The following RSPO2 variants were observed in gnomAD, a reference collection of about 807,000 sequenced individuals.
RSPO2 encodes R-spondin 2.
RSPO2 carries 14 observed loss-of-function variants against 30.9 expected under a neutral mutation model. The ratio of observed to expected loss-of-function variants is 0.45; its 90% CI spans 0.30 to 0.71. RSPO2 has a LOEUF of 0.71. Ranked by LOEUF, RSPO2 falls within the 30% of genes least tolerant of loss-of-function variation. The probability of loss-of-function intolerance (pLI) is 0.08; values close to 1 mark genes in which losing one functional copy is unlikely to be tolerated. For missense variants in RSPO2, 264 were observed against 301.9 expected (o/e 0.87, Z 0.93); for synonymous variants, 107 against 96.4 (o/e 1.11, Z -0.64).
chr8:107,977,262 T>C (rs1385392055), intron 3 of RSPO2, among the ~76,000 whole-genome samples: 4 of 152,352 alleles, frequency 2.6e-5, no homozygotes, highest in African/African-American at 9.6e-5. Flanking sequence ...GACATAATTA[T>C]TACACGGTAG....
rs549129674 is a variant in RSPO2, at chr8:107,956,634, G to A, written c.616+1446C>T. Among the ~76,000 whole-genome samples the A allele has an allele frequency of 4.6e-5, 7 of 152,274 alleles. No individual in the cohort carries two copies. The South Asian group carries it at 1.5e-3, about 32-fold the overall frequency. ...AAATGTGTTGCCTCTTGTTACACAT[G>A]AGCATGTTTGTTATAGGAGCATTTT... On this transcript the variant is annotated intron_variant, in intron 5 of 5. Transcript: ENST00000276659.
chr8:107,901,270 T>G, intron 5 of RSPO2, 80 bp from the exon 6 acceptor site: 1 of 1,483,668 alleles, frequency 6.7e-7, no homozygotes, highest in Non-Finnish European at 9.0e-7. Flanking sequence ...ATTGGGAGTT[T>G]TGCACAAAGC....
chr8:107,983,373 C>G, intron 3 of RSPO2: 6 of 1,608,592 alleles, frequency 3.7e-6, no homozygotes, highest in Non-Finnish European at 5.1e-6. Flanking sequence ...GATTGAAAGC[C>G]CAGCAGAACA....
chr8:108,027,900 T>C (rs144680637), intron 2 of RSPO2, among the ~76,000 whole-genome samples: 6 of 152,300 alleles, frequency 3.9e-5, no homozygotes, highest in African/African-American at 9.6e-5. Flanking sequence ...CCAATGTCTA[T>C]TAGCAGCTTT....
At chr8:107,934,133 T>A (rs141634780) in intron 5 of RSPO2, among the ~76,000 whole-genome samples, 142 of 152,308 alleles carry the variant, frequency 9.3e-4, no homozygotes, top group African/African-American at 3.1e-3. Context: ...TCTGGCAAGA[T>A]GTCGTAAGGC....
At chr8:107,960,542 C>T (rs948741900) in intron 4 of RSPO2, 132 bp downstream of exon 4, 6 of 858,504 alleles carry the variant, frequency 7.0e-6, no homozygotes, top group African/African-American at 5.3e-5. Context: ...CAGCAAAGAA[C>T]TTAATTTTCA....
In RSPO2 at chr8:107,914,849, C is replaced by A. The variant is rs181111668; in HGVS notation, c.617-13659G>T. 2.0e-5 allele frequency among the ~76,000 whole-genome samples: 3 copies of A among 152,234 alleles called. No individual in the cohort carries two copies. The East Asian group carries it at 5.8e-4, about 29-fold the overall frequency. On this transcript the variant is annotated intron_variant, in intron 5 of 5. Transcript: ENST00000276659. ...AGGTGCCTTTATGTGTTTTCCTAAT[C>A]TTCCTGTAGAAAAAAAATTAAATTC...
At chr8:107,926,583 AG>A (rs1261974305) in intron 5 of RSPO2, among the ~76,000 whole-genome samples, 2 of 151,992 alleles carry the variant, frequency 1.3e-5, no homozygotes, top group African/African-American at 4.8e-5. Context: ...ATAAGGTGTA[AG>A]AAGGGATCCA....
At chr8:108,052,036 A>G (rs1160039578) in intron 2 of RSPO2, among the ~76,000 whole-genome samples, 1 of 152,168 alleles carries the variant, frequency 6.6e-6, no homozygotes, top group African/African-American at 2.4e-5. Flanking sequence ...CTATGAAAAC[A>G]TTTAGCTTTT....
At chr8:108,032,313 G>A (rs757072819) in intron 2 of RSPO2, among the ~76,000 whole-genome samples, 24 of 152,072 alleles carry the variant, frequency 1.6e-4, no homozygotes, top group Non-Finnish European at 5.9e-5. Flanking sequence ...TCTATCCAAG[G>A]ATCCATTCAT....
At chr8:108,039,197 A>G (rs567231018) in intron 2 of RSPO2, among the ~76,000 whole-genome samples, 2 of 152,164 alleles carry the variant, frequency 1.3e-5, no homozygotes, top group Non-Finnish European at 2.9e-5. Flanking sequence ...TCATCTTCAT[A>G]TATTACCACA....
intron 3 of RSPO2, among the ~76,000 whole-genome samples, chr8:107,976,077 T>G (rs1814198815): frequency 6.6e-6 from 1 of 152,202 alleles, no homozygotes; most frequent in Non-Finnish European, 1.5e-5. Flanking sequence ...TTCTGCAGAC[T>G]GGGCTGTAGG....
At chr8:108,051,466 T>A (rs531132400) in intron 2 of RSPO2, among the ~76,000 whole-genome samples, 63 of 152,184 alleles carry the variant, frequency 4.1e-4, no homozygotes, top group African/African-American at 1.5e-3. Flanking sequence ...AGACTGGAAG[T>A]CAAATCATCT....
intron 5 of RSPO2, among the ~76,000 whole-genome samples, chr8:107,911,713 G>A (rs555141306): frequency 2.0e-5 from 3 of 152,250 alleles, no homozygotes; most frequent in South Asian, 2.1e-4. Flanking sequence ...AATAGGTTTC[G>A]AGAAGTTAAG....
At chr8:107,930,432 T>C (rs1812517078) in intron 5 of RSPO2, among the ~76,000 whole-genome samples, 1 of 152,194 alleles carries the variant, frequency 6.6e-6, no homozygotes, top group Admixed American at 6.5e-5. Context: ...TAATCAGATC[T>C]CTGTCACTCT....
At chr8:107,918,502 T>A (rs966106836) in intron 5 of RSPO2, among the ~76,000 whole-genome samples, 1 of 152,094 alleles carries the variant, frequency 6.6e-6, no homozygotes, top group Non-Finnish European at 1.5e-5. Context: ...GTCTGTACAG[T>A]CCCTGTACAA....
Position 107,990,694 on chromosome 8 carries a change from A to C in RSPO2, c.95-1450T>G, listed in dbSNP as rs553666324. Reference sequence around the variant, plus strand: ...CCATTGACATTTTTCACAGAACTGGAAAAAACTATGTTAAAATTCACATGG... The same window carrying C: ...CCATTGACATTTTTCACAGAACTGGCAAAAACTATGTTAAAATTCACATGG... On this transcript the variant is annotated intron_variant, in intron 2 of 5. Coordinates refer to ENST00000276659, the MANE Select transcript of RSPO2 (RefSeq NM_178565.5). 6.4e-4 allele frequency among the ~76,000 whole-genome samples: 98 copies of C among 152,212 alleles called. 1 individual carries two copies. The highest frequency in any genetic ancestry group is 1.2e-3 in the Non-Finnish European group (81 of 68,034).
intron 5 of RSPO2, among the ~76,000 whole-genome samples, chr8:107,935,712 T>A (rs1444511496): frequency 6.6e-6 from 1 of 152,146 alleles, no homozygotes; most frequent in Non-Finnish European, 1.5e-5. Context: ...TTATGGAAAC[T>A]GAAGAGCTCT....
chr8:107,927,115 C>T (rs540614067), intron 5 of RSPO2, among the ~76,000 whole-genome samples: 1 of 152,078 alleles, frequency 6.6e-6, no homozygotes, highest in African/African-American at 2.4e-5. Context: ...CCTTCACATC[C>T]CTTGTAAGTT....
Sources: allele counts gnomAD v4.1 joint callset (sites outside exome capture counted in the v4.1 genomes callset), GRCh38; gene constraint gnomAD v4.1.1; transcripts MANE v1.5; gene names NCBI Gene and HGNC (gene_info 2026-07-23, HGNC 2026-07-21).